VWA3B: variants seen among roughly 807,000 people sequenced by gnomAD.
The protein encoded by VWA3B is von Willebrand factor A domain containing 3B.
A neutral mutation model predicts 158.3 loss-of-function variants in VWA3B; 138 were observed. That is an observed-to-expected ratio of 0.87 (90% CI 0.76 to 1.00). The LOEUF is 1.00. VWA3B is among the 50% of genes least tolerant of loss of function. The probability of loss-of-function intolerance (pLI) is 0.00; values close to 1 mark genes in which losing one functional copy is unlikely to be tolerated. For synonymous variants in VWA3B, 596 were observed against 587.3 expected (o/e 1.01, Z -0.21); for missense variants, 1,555 against 1,565.1 (o/e 0.99, Z 0.11).
intron 14 of VWA3B, among the ~76,000 whole-genome samples, chr2:98,221,743 A>C (rs922648728): frequency 2.6e-5 from 4 of 152,164 alleles, no homozygotes; most frequent in African/African-American, 9.7e-5. Flanking sequence ...CAGGAGCAGC[A>C]GTGCTCTGAG....
rs375375835 is a variant in VWA3B at position 98,215,229 on chromosome 2, T to G, written c.1837-2617T>G. 9.2e-4 allele frequency among the ~76,000 whole-genome samples: 139 copies of G among 151,826 alleles called. 4 individuals are homozygous for G. The East Asian group carries it at 0.022, about 24-fold the overall frequency. On this transcript the variant is annotated intron_variant, in intron 13 of 27. Coordinates refer to ENST00000477737, the MANE Select transcript of VWA3B (RefSeq NM_144992.5). The stretch of plus-strand genomic sequence containing the variant: ...GGCCGAGGTGAGTTGGATCACAAGG[T>G]CAGGAGATCAAGACCATCCCGGCTA...
chr2:98,147,243 G>A (rs1454788684), intron 7 of VWA3B, among the ~76,000 whole-genome samples: 1 of 152,062 alleles, frequency 6.6e-6, no homozygotes, highest in Non-Finnish European at 1.5e-5. Context: ...GTGTTGCTTG[G>A]TGCATGCATA....
In VWA3B at chr2:98,300,447, A is replaced by G. The variant is rs78613738; in HGVS notation, c.3420+231A>G. On this transcript the variant is annotated intron_variant, in intron 25 of 27. Transcript: ENST00000477737. ...GTTCTTTGGCTCCCACTGCTGAACC[A>G]TGCTTTGCATTTGACGGACTGGCAG... 8.1e-3 allele frequency among the ~76,000 whole-genome samples: 1,228 copies of G among 152,240 alleles called. 10 individuals are homozygous for G. The highest frequency in any genetic ancestry group is 0.028 in the African/African-American group (1,168 of 41,538).
intron 19 of VWA3B, 85 bp downstream of exon 19, chr2:98,236,815 G>C (rs1274901053): frequency 1.3e-6 from 2 of 1,505,622 alleles, no homozygotes; most frequent in East Asian, 4.6e-5. Context: ...TTGTGTGGTT[G>C]TAACAGAAAT....
intron 16 of VWA3B, among the ~76,000 whole-genome samples, chr2:98,233,314 G>A (rs569411623): frequency 1.3e-5 from 2 of 152,334 alleles, no homozygotes; most frequent in East Asian, 3.9e-4. Flanking sequence ...AGTCCGGGGA[G>A]GGGCTAAATG....
Position 98,313,236 on chromosome 2 carries a change from C to A in VWA3B, c.*887C>A, listed in dbSNP as rs149172849. Reference sequence around the variant, plus strand: ...CACATTCCTGAAAGCTAGGAGTAGCCAGGGTTATGGTGAAGAAATTAAAGA... The same window carrying A: ...CACATTCCTGAAAGCTAGGAGTAGCAAGGGTTATGGTGAAGAAATTAAAGA... On this transcript the variant is annotated 3_prime_UTR_variant, in exon 28 of 28. Transcript: ENST00000477737. 1 of 150,482 alleles carries A rather than the reference C, an allele frequency of 6.6e-6. No homozygotes were observed. The highest frequency in any genetic ancestry group is 1.5e-5 in the Non-Finnish European group (1 of 67,724). The allele number at this position is 150,482 out of a possible 1,614,324, so 9.3% of individuals were successfully genotyped here. A position where few individuals can be genotyped will look rare whatever the true frequency, so the allele number is the denominator to read the frequency against.
At chr2:98,246,664 G>A (rs1220087964) in intron 19 of VWA3B, among the ~76,000 whole-genome samples, 1 of 152,092 alleles carries the variant, frequency 6.6e-6, no homozygotes, top group African/African-American at 2.4e-5. Context: ...TTACAAGGGT[G>A]AGCCACCCCA....
intron 12 of VWA3B, chr2:98,207,408 G>A (rs752180724): frequency 7.4e-5 from 35 of 474,356 alleles, no homozygotes; most frequent in Non-Finnish European, 1.5e-4. Context: ...TTGCCCGTGG[G>A]GTGCAAAAGA....
At position 98,294,607 on chromosome 2, in the gene VWA3B, C is replaced by T. The variant is rs115489151; in HGVS notation, c.3158-3300C>T. On this transcript the variant is annotated intron_variant, in intron 23 of 27. Transcript: ENST00000477737. ...GCAAGGAGGAAGACACATTTTCAAC[C>T]CTTATTTGAAATCATTATTTGTGGA... Among the ~76,000 whole-genome samples, 1,199 of 152,348 alleles carry T rather than the reference C, an allele frequency of 7.9e-3. 15 individuals are homozygous for T. The highest frequency in any genetic ancestry group is 0.027 in the African/African-American group (1,133 of 41,570).
intron 8 of VWA3B, among the ~76,000 whole-genome samples, chr2:98,171,114 A>G (rs1420463777): frequency 6.6e-6 from 1 of 152,248 alleles, no homozygotes; most frequent in African/African-American, 2.4e-5. Context: ...ATGGCTTAAG[A>G]AAAGTTTAAT....
intron 2 of VWA3B, among the ~76,000 whole-genome samples, chr2:98,109,946 G>A (rs1186145647): frequency 6.6e-6 from 1 of 151,784 alleles, no homozygotes; most frequent in African/African-American, 2.4e-5. Flanking sequence ...TCAGATGTTT[G>A]AGTATGATGT....
chr2:98,145,822 G>A (rs1384918958), intron 7 of VWA3B, among the ~76,000 whole-genome samples: 1 of 151,872 alleles, frequency 6.6e-6, no homozygotes, highest in African/African-American at 2.4e-5. Flanking sequence ...TGGGTTCAAG[G>A]GATCTTCCTG....
chr2:98,127,101 G>C (rs1253351176), intron 5 of VWA3B, among the ~76,000 whole-genome samples: 1 of 152,126 alleles, frequency 6.6e-6, no homozygotes, highest in South Asian at 2.1e-4. Context: ...CTAAAGGGAT[G>C]GTGACATCTA....
intron 7 of VWA3B, among the ~76,000 whole-genome samples, chr2:98,150,506 C>T (rs1677534989): frequency 6.6e-6 from 1 of 152,178 alleles, no homozygotes; most frequent in Non-Finnish European, 1.5e-5. Context: ...AGTCAGGAGC[C>T]CTCTGAGCAC....
At chr2:98,268,049 T>C (rs1274494014) in intron 21 of VWA3B, among the ~76,000 whole-genome samples, 1 of 151,852 alleles carries the variant, frequency 6.6e-6, no homozygotes, top group Non-Finnish European at 1.5e-5. Context: ...CAATAATCAA[T>C]AGCTTACCAA....
intron 6 of VWA3B, 143 bp downstream of exon 6, chr2:98,128,551 A>C: frequency 1.2e-6 from 1 of 838,058 alleles, no homozygotes; most frequent in Non-Finnish European, 1.8e-6. Context: ...GTCTCTCTGC[A>C]TCTTTTCTTC....
chr2:98,313,555 A>G (rs575537696), downstream of VWA3B, among the ~76,000 whole-genome samples: 1 of 152,356 alleles, frequency 6.6e-6, no homozygotes, highest in Non-Finnish European at 1.5e-5. Context: ...GGAGCAGTTT[A>G]GAAACCACCC....
chr2:98,261,107 T>C (rs756559821), intron 21 of VWA3B, among the ~76,000 whole-genome samples: 7 of 151,822 alleles, frequency 4.6e-5, no homozygotes, highest in Non-Finnish European at 5.9e-5. Flanking sequence ...CCTCAATTTG[T>C]CCAATATTTG....
chr2:98,257,978 T>C (rs1357238355), intron 21 of VWA3B, among the ~76,000 whole-genome samples: 1 of 151,990 alleles, frequency 6.6e-6, no homozygotes, highest in Non-Finnish European at 1.5e-5. Context: ...CTAATATGTT[T>C]ACAGTTTTAG....
Sources: gnomAD v4.1 joint callset for allele counts (sites outside exome capture counted in the v4.1 genomes callset) on GRCh38, gnomAD v4.1.1 for gene constraint, MANE v1.5 for transcripts, NCBI Gene and HGNC (gene_info 2026-07-23, HGNC 2026-07-21) for gene names.